Variants in DCTN4 observed in about 807,000 individuals in gnomAD.
DCTN4 encodes the protein dynactin subunit 4, also known as dynactin 4 (p62).
A neutral mutation model predicts 62.7 loss-of-function variants in DCTN4; 23 were observed. That is an observed-to-expected ratio of 0.37 (90% CI 0.26 to 0.52). DCTN4 has a LOEUF of 0.52. Ranked by LOEUF, DCTN4 falls within the 20% of genes least tolerant of loss-of-function variation. DCTN4 has a pLI of 0.92. For synonymous variants in DCTN4, 199 were observed against 202.1 expected (o/e 0.98, Z 0.13); for missense variants, 514 against 580.4 (o/e 0.89, Z 1.18).
At position 150,736,952 on chromosome 5, in the gene DCTN4, A is replaced by G. The variant is rs573456105; in HGVS notation, c.430-3477T>C. On this transcript the variant is annotated intron_variant, in intron 4 of 12. Transcript: ENST00000447998. ...TCCATGCAAATGGACACCAAAAGTG[A>G]GCAGGAGTAGCTATTCTTATATCAG... 3.0e-4 allele frequency among the ~76,000 whole-genome samples: 45 copies of G among 152,346 alleles called. No homozygotes were observed. The South Asian group carries it at 6.2e-3, about 21-fold the overall frequency.
At chr5:150,738,042 T>C (rs777384711) in intron 4 of DCTN4, among the ~76,000 whole-genome samples, 13 of 151,644 alleles carry the variant, frequency 8.6e-5, no homozygotes, top group African/African-American at 3.2e-4. Context: ...CCTGGAAATA[T>C]ACAACCCTCC....
At chr5:150,724,061 A>G (rs951761033) in intron 8 of DCTN4, among the ~76,000 whole-genome samples, 1 of 152,178 alleles carries the variant, frequency 6.6e-6, no homozygotes, top group African/African-American at 2.4e-5. Flanking sequence ...CTGTAAGACA[A>G]TTTCCTAAGA....
intron 9 of DCTN4, 77 bp downstream of exon 9, chr5:150,722,830 C>G: frequency 9.4e-7 from 1 of 1,060,456 alleles, no homozygotes; most frequent in South Asian, 1.5e-5. Context: ...AGAGTAAACA[C>G]ACTTCATACT....
chr5:150,715,789 G>A, intron 11 of DCTN4, 127 bp from the exon 12 acceptor site: 6 of 682,618 alleles, frequency 8.8e-6, no homozygotes, highest in Non-Finnish European at 1.5e-5. Context: ...TACTTCTATG[G>A]AGTTTATAAG....
chr5:150,742,419 T>C (rs1399031060), intron 3 of DCTN4, among the ~76,000 whole-genome samples: 1 of 152,214 alleles, frequency 6.6e-6, no homozygotes, highest in African/African-American at 2.4e-5. Flanking sequence ...AACAACCCTC[T>C]GAGGTAAGGA....
At chr5:150,742,622 G>A (rs922581916) in intron 3 of DCTN4, among the ~76,000 whole-genome samples, 7 of 152,206 alleles carry the variant, frequency 4.6e-5, no homozygotes, top group African/African-American at 1.2e-4. Context: ...AATTTCTTAC[G>A]TAAGAAGCAC....
chr5:150,722,304 G>A (rs1170133114), intron 9 of DCTN4, among the ~76,000 whole-genome samples: 3 of 152,092 alleles, frequency 2.0e-5, no homozygotes, highest in African/African-American at 7.2e-5. Flanking sequence ...AAAAATTTAT[G>A]TATTAGAAAA....
At position 150,722,903 on chromosome 5, in the gene DCTN4, T is replaced by C. The variant is rs1199290897; in HGVS notation, c.908+4A>G. On this transcript the variant is annotated splice_donor_region_variant and intron_variant, in intron 9 of 12. Coordinates refer to ENST00000447998, the MANE Select transcript of DCTN4 (RefSeq NM_016221.4). ...ACTGAAAACACCAATCCCAAAATACTTACACAGCGACCAGCTGGATTTTGA... is the reference window on the plus strand; with the variant it reads ...ACTGAAAACACCAATCCCAAAATACCTACACAGCGACCAGCTGGATTTTGA... The C allele has an allele frequency of 6.2e-7, 1 of 1,610,842 alleles. No homozygotes were observed. The highest frequency in any genetic ancestry group is 1.7e-5 in the Admixed American group (1 of 59,714).
intron 1 of DCTN4, among the ~76,000 whole-genome samples, chr5:150,756,910 GA>G (rs1428969971): frequency 5.9e-5 from 9 of 152,200 alleles, no homozygotes; most frequent in Non-Finnish European, 1.3e-4. Flanking sequence ...TTTTTTTAAA[GA>G]TTTCTCATTA....
rs114984537 is a variant in DCTN4, at chr5:150,756,617, G to T, written c.136-130C>A. 1,790 of 417,638 alleles carry T rather than the reference G, an allele frequency of 4.3e-3. 25 individuals carry two copies. Among genetic ancestry groups the T allele is most frequent in the African/African-American group, 0.036 (1,648 of 45,956 alleles). The allele number at this position is 417,638 out of a possible 1,614,324, so 25.9% of individuals were successfully genotyped here. On this transcript the variant is annotated intron_variant, in intron 1 of 12. Transcript: ENST00000447998. The stretch of plus-strand genomic sequence containing the variant: ...GAAAGTAGACTGTTTTCTGCTTAGG[G>T]TTTATTCTTCTTCAGTCACCTGTTT...
At chr5:150,731,787 T>C (rs1379763030) in intron 5 of DCTN4, 1 of 1,112,624 alleles carries the variant, frequency 9.0e-7, no homozygotes. Context: ...GCAAGAACTA[T>C]GTGGAGTGTC....
At chr5:150,735,841 G>A (rs572287800) in intron 4 of DCTN4, among the ~76,000 whole-genome samples, 1 of 149,892 alleles carries the variant, frequency 6.7e-6, no homozygotes, top group East Asian at 1.9e-4. Context: ...AAATTTAGAA[G>A]GCCAACTATT....
At chr5:150,746,710 C>T (rs559760041) in intron 3 of DCTN4, among the ~76,000 whole-genome samples, 1 of 152,128 alleles carries the variant, frequency 6.6e-6, no homozygotes, top group African/African-American at 2.4e-5. Context: ...TCAATAGATG[C>T]AGAAAAGGCC....
In DCTN4 at chr5:150,753,349, A is replaced by T. The variant is rs901170912; in HGVS notation, c.385+130T>A. 3 of 726,298 alleles carry T rather than the reference A, an allele frequency of 4.1e-6. No homozygotes were observed. The African/African-American group carries it at 5.3e-5, about 13-fold the overall frequency. The allele number at this position is 726,298 out of a possible 1,614,324, so 45.0% of individuals were successfully genotyped here. ...TACAAATGTGAACATATGGGAACAC[A>T]GAAGAGTTAATGACAAAATATTCTG... On this transcript the variant is annotated intron_variant, in intron 3 of 12. Coordinates refer to ENST00000447998, the MANE Select transcript of DCTN4 (RefSeq NM_016221.4).
chr5:150,734,020 G>A (rs1332802047), intron 4 of DCTN4: 1 of 152,066 alleles, frequency 6.6e-6, no homozygotes, highest in African/African-American at 2.4e-5. Flanking sequence ...GTGAGACCTT[G>A]TCTCTATAAA....
chr5:150,715,746 G>T, intron 11 of DCTN4, 84 bp from the exon 12 acceptor site: 2 of 1,078,128 alleles, frequency 1.9e-6, no homozygotes, highest in Non-Finnish European at 2.8e-6. Context: ...TTAGACAAAT[G>T]GAAGCACACA....
intron 10 of DCTN4, among the ~76,000 whole-genome samples, chr5:150,719,070 T>C (rs1305491202): frequency 6.6e-6 from 1 of 152,190 alleles, no homozygotes; most frequent in Non-Finnish European, 1.5e-5. Flanking sequence ...TCTACTTATC[T>C]TGGCCTCCCA....
intron 5 of DCTN4, chr5:150,731,825 A>C: frequency 6.9e-7 from 1 of 1,458,684 alleles, no homozygotes; most frequent in Non-Finnish European, 9.4e-7. Flanking sequence ...GTCTTCCTGG[A>C]ACACCAGTGG....
chr5:150,732,311 A>G (rs935126656), intron 5 of DCTN4, among the ~76,000 whole-genome samples: 1 of 152,154 alleles, frequency 6.6e-6, no homozygotes, highest in African/African-American at 2.4e-5. Flanking sequence ...CACCATGCCC[A>G]GCTAATTTTT....
Sources: gnomAD v4.1 joint callset for allele counts (sites outside exome capture counted in the v4.1 genomes callset) on GRCh38, gnomAD v4.1.1 for gene constraint, MANE v1.5 for transcripts, NCBI Gene and HGNC (gene_info 2026-07-23, HGNC 2026-07-21) for gene names.